Variants in PRKN observed in about 807,000 individuals in gnomAD.
PRKN encodes the protein parkin RBR E3 ubiquitin protein ligase, also known as E3 ubiquitin-protein ligase parkin.
A neutral mutation model predicts 59.5 loss-of-function variants in PRKN; 56 were observed. The observed-to-expected ratio is 0.94, with a 90% confidence interval of 0.76 to 1.18. PRKN has a LOEUF of 1.18. Among genes scored for constraint, PRKN ranks in the 50% most tolerant of loss-of-function variants. The pLI is 0.00. For synonymous variants in PRKN, 250 were observed against 222.1 expected (o/e 1.13, Z -1.12); for missense variants, 657 against 596.4 (o/e 1.10, Z -1.06).
chr6:161,858,892 G>A (rs71567626), intron 6 of PRKN, among the ~76,000 whole-genome samples: 53,828 of 119,116 alleles, frequency 0.45, 12,628 homozygotes, highest in East Asian at 0.73. Flanking sequence ...ACAGAGGCTC[G>A]CTCTTGTTGC....
rs144126252 is a variant in PRKN, at chr6:162,216,695, T to A, written c.413-15443A>T. On this transcript the variant is annotated intron_variant, in intron 3 of 11. Coordinates refer to ENST00000366898, the MANE Select transcript of PRKN (RefSeq NM_004562.3). ...GGGAAGCTCCATCATTGGGCTTTAA[T>A]GTTAAAGCCACACGGCCACACAGCC... is the stretch of plus-strand genomic sequence containing the variant. Among the ~76,000 whole-genome samples the A allele has an allele frequency of 4.9e-3, 744 of 152,198 alleles. 4 individuals are homozygous for A. Among genetic ancestry groups the A allele is most frequent in the Middle Eastern group, 0.01 (3 of 292 alleles).
chr6:162,090,112 C>T (rs1779415486), intron 4 of PRKN, among the ~76,000 whole-genome samples: 2 of 151,962 alleles, frequency 1.3e-5, no homozygotes, highest in Non-Finnish European at 2.9e-5. Flanking sequence ...ATAAGCCAGC[C>T]TAAAAGTGCT....
At chr6:161,988,540 G>A (rs935337177) in intron 5 of PRKN, among the ~76,000 whole-genome samples, 2 of 151,586 alleles carry the variant, frequency 1.3e-5, no homozygotes, top group African/African-American at 4.8e-5. Flanking sequence ...AAATTTTCAG[G>A]AAACATAACT....
At chr6:162,335,912 G>T (rs1783823752) in intron 2 of PRKN, among the ~76,000 whole-genome samples, 1 of 151,540 alleles carries the variant, frequency 6.6e-6, no homozygotes, top group Non-Finnish European at 1.5e-5. Context: ...AACGTCCTGG[G>T]TAAACTGGGG....
At chr6:161,731,395 T>C (rs959469223) in intron 7 of PRKN, among the ~76,000 whole-genome samples, 1 of 152,252 alleles carries the variant, frequency 6.6e-6, no homozygotes, top group Admixed American at 6.5e-5. Flanking sequence ...ATAATAACTG[T>C]AGGCATTTCT....
chr6:162,286,644 C>T (rs1217946689), intron 2 of PRKN, among the ~76,000 whole-genome samples: 1 of 152,150 alleles, frequency 6.6e-6, no homozygotes, highest in African/African-American at 2.4e-5. Flanking sequence ...GTTGCTATGA[C>T]AATATCGAGT....
chr6:161,959,559 T>A (rs1192619597), intron 6 of PRKN, among the ~76,000 whole-genome samples: 2 of 152,146 alleles, frequency 1.3e-5, no homozygotes, highest in Non-Finnish European at 2.9e-5. Flanking sequence ...CAAAACTACT[T>A]CTTATACAAT....
intron 4 of PRKN, among the ~76,000 whole-genome samples, chr6:162,129,423 T>TAGATGACAGAGAGGC (rs990461280): frequency 2.6e-5 from 4 of 152,144 alleles, no homozygotes; most frequent in Non-Finnish European, 4.4e-5. Flanking sequence ...GCTACTAACA[T>TAGATGACAGAGAGGC]AGATGAGGCA....
At chr6:162,252,017 G>A (rs12111149) in intron 3 of PRKN, among the ~76,000 whole-genome samples, 3,528 of 152,182 alleles carry the variant, frequency 0.023, 130 homozygotes, top group African/African-American at 0.081. Context: ...TCAAAAGGTC[G>A]AAATTGCATT....
chr6:162,705,137 T>G (rs1778293745), intron 1 of PRKN, among the ~76,000 whole-genome samples: 1 of 152,144 alleles, frequency 6.6e-6, no homozygotes, highest in Non-Finnish European at 1.5e-5. Context: ...CTTTCCAATA[T>G]CTATGATGGA....
intron 1 of PRKN, among the ~76,000 whole-genome samples, chr6:162,647,468 G>A (rs1001869454): frequency 4.2e-5 from 6 of 144,540 alleles, no homozygotes; most frequent in African/African-American, 9.7e-5. Context: ...TGATTCAAAC[G>A]CATGAGCAGA....
intron 8 of PRKN, among the ~76,000 whole-genome samples, chr6:161,567,558 T>A (rs979200125): frequency 6.6e-6 from 1 of 152,128 alleles, no homozygotes; most frequent in Non-Finnish European, 1.5e-5. Context: ...TGTGTGTATG[T>A]CTGCATGTGT....
At chr6:161,712,428 A>G (rs1370028871) in intron 7 of PRKN, among the ~76,000 whole-genome samples, 1 of 152,160 alleles carries the variant, frequency 6.6e-6, no homozygotes. Flanking sequence ...CTCAAAGAAC[A>G]TCTATGACAC....
At chr6:162,679,115 T>G (rs1387521004) in intron 1 of PRKN, among the ~76,000 whole-genome samples, 4 of 151,740 alleles carry the variant, frequency 2.6e-5, no homozygotes, top group African/African-American at 7.3e-5. Context: ...TATTTATGAA[T>G]GAATGAGACA....
At chr6:161,660,603 C>T (rs10945767) in intron 7 of PRKN, among the ~76,000 whole-genome samples, 59,144 of 151,914 alleles carry the variant, frequency 0.39, 12,892 homozygotes, top group Non-Finnish European at 0.49. Flanking sequence ...AAAAACCAGA[C>T]GTGAACAGCG....
At chr6:162,632,290 A>C (rs1783139933) in intron 1 of PRKN, among the ~76,000 whole-genome samples, 1 of 152,242 alleles carries the variant, frequency 6.6e-6, no homozygotes, top group Non-Finnish European at 1.5e-5. Context: ...GATAAAGAAA[A>C]TGTGGTACAT....
rs191119333 is a variant in PRKN, at chr6:162,430,803, G to A, written c.171+12507C>T. Among the ~76,000 whole-genome samples the A allele has an allele frequency of 1.8e-3, 274 of 152,148 alleles. 1 individual carries two copies. The highest frequency in any genetic ancestry group is 6.2e-3 in the African/African-American group (259 of 41,524). Reference sequence around the variant, plus strand: ...GACCAAATGGAGTTCGTCCAAAGTAGGTAAAACATATGGCTGCTAAAATAG... The same window carrying A: ...GACCAAATGGAGTTCGTCCAAAGTAAGTAAAACATATGGCTGCTAAAATAG... On this transcript the variant is annotated intron_variant, in intron 2 of 11. Transcript: ENST00000366898.
At chr6:162,391,377 G>A (rs1199742133) in intron 2 of PRKN, among the ~76,000 whole-genome samples, 1 of 147,472 alleles carries the variant, frequency 6.8e-6, no homozygotes, top group African/African-American at 2.5e-5. Context: ...TTTTCTTACT[G>A]CGCATGCTTG....
intron 4 of PRKN, among the ~76,000 whole-genome samples, chr6:162,149,450 G>A (rs1048346812): frequency 1.2e-4 from 18 of 151,938 alleles, no homozygotes; most frequent in African/African-American, 4.1e-4. Flanking sequence ...CACTGTGTTC[G>A]CCAGGCTGGT....
Sources: gnomAD v4.1 joint callset for allele counts (sites outside exome capture counted in the v4.1 genomes callset) on GRCh38, gnomAD v4.1.1 for gene constraint, MANE v1.5 for transcripts, NCBI Gene and HGNC (gene_info 2026-07-23, HGNC 2026-07-21) for gene names.